ADD3: variants seen among roughly 807,000 people sequenced by gnomAD.
ADD3 encodes the protein adducin 3.
In ADD3, 25 loss-of-function variants were observed where a neutral mutation model predicts 80.2. That is an observed-to-expected ratio of 0.31 (90% confidence interval 0.23 to 0.44). The LOEUF (loss-of-function observed/expected upper bound fraction) is 0.44. Among genes scored for constraint, ADD3 ranks in the 20% least tolerant of loss-of-function variants. The pLI is 1.00. For missense variants in ADD3, 829 were observed against 847.5 expected, an observed-to-expected ratio of 0.98 and a Z score of 0.27; for synonymous variants, 284 against 289.6, an observed-to-expected ratio of 0.98 and a Z score of 0.20.
chr10:110,128,814 A>G (rs1473885142), intron 12 of ADD3, among the ~76,000 whole-genome samples: 1 of 152,124 alleles, frequency 6.6e-6, no homozygotes, highest in African/African-American at 2.4e-5. Flanking sequence ...AAGGGTATCA[A>G]TTTTAAATTT....
chr10:110,025,354 T>C (rs533526724), intron 1 of ADD3, among the ~76,000 whole-genome samples: 24 of 152,140 alleles, frequency 1.6e-4, no homozygotes, highest in Admixed American at 1.5e-3. Flanking sequence ...ATTTTTTTAA[T>C]TTTAGTTCGA....
chr10:110,044,481 A>T (rs1194662917), intron 1 of ADD3, among the ~76,000 whole-genome samples: 1 of 152,212 alleles, frequency 6.6e-6, no homozygotes, highest in East Asian at 1.9e-4. Flanking sequence ...ACAAAATCAG[A>T]CAAGCACTTC....
intron 1 of ADD3, among the ~76,000 whole-genome samples, chr10:110,028,309 C>CA (rs2133159934): frequency 6.6e-6 from 1 of 151,974 alleles, no homozygotes; most frequent in African/African-American, 2.4e-5. Flanking sequence ...CGTGGTGGCT[C>CA]ACGCCTGTAA....
At chr10:110,059,076 T>A (rs1487233189) in intron 1 of ADD3, among the ~76,000 whole-genome samples, 1 of 152,226 alleles carries the variant, frequency 6.6e-6, no homozygotes, top group Non-Finnish European at 1.5e-5. Context: ...AGGTGCCTTG[T>A]CTGTTAGCTG....
chr10:110,021,909 T>G (rs1853722058), intron 1 of ADD3, among the ~76,000 whole-genome samples: 1 of 152,162 alleles, frequency 6.6e-6, no homozygotes, highest in Admixed American at 6.5e-5. Context: ...GGAAAAAAAA[T>G]CTGTGCGTGC....
upstream of ADD3, among the ~76,000 whole-genome samples, chr10:110,003,978 T>C (rs1341251396): frequency 2.0e-5 from 3 of 152,226 alleles, no homozygotes; most frequent in Admixed American, 1.3e-4. Context: ...TATTCATTTT[T>C]TAAAGTATCC....
Position 110,117,346 on chromosome 10 carries a change from G to A in ADD3, c.491G>A (p.Arg164Lys), listed in dbSNP as rs540016358. 17 of 1,577,472 alleles carry A rather than the reference G, an allele frequency of 1.1e-5. No individual in the cohort carries two copies. The South Asian group carries it at 1.9e-4, about 18-fold the overall frequency. Residue 164 changes from arginine to lysine, a missense_variant, in exon 5 of 15, where the codon AGA (arginine) becomes AAA (lysine). Arg to Lys is a conservative substitution (Grantham distance 26). Coordinates refer to ENST00000356080, the MANE Select transcript of ADD3 (RefSeq NM_016824.5). Reference sequence around the variant, plus strand: ...CCCTGTTGTTTTTTTTTCCAGGTAAGAATAAGTAAGGAGCAAGACCACATT... The same window carrying A: ...CCCTGTTGTTTTTTTTTCCAGGTAAAAATAAGTAAGGAGCAAGACCACATT... ...AHLANTYISV[R>K]ISKEQDHIII...
At chr10:110,100,349 CA>C (rs750807063) in intron 1 of ADD3, among the ~76,000 whole-genome samples, 2,123 of 74,938 alleles carry the variant, frequency 0.028, 10 homozygotes, top group Admixed American at 0.049. Flanking sequence ...GACTCCATCT[CA>C]AAAAAAAAAA....
chr10:110,005,988 A>ATGC (rs200976177), upstream of ADD3: 3,231 of 249,476 alleles, frequency 0.013, 76 homozygotes, highest in African/African-American at 0.051. Flanking sequence ...GCTGCTGCTA[A>ATGC]TGCTGCTGCT....
At chr10:110,080,642 G>A (rs1175564391) in intron 1 of ADD3, among the ~76,000 whole-genome samples, 1 of 152,304 alleles carries the variant, frequency 6.6e-6, no homozygotes, top group East Asian at 1.9e-4. Flanking sequence ...GTGAAGTTAT[G>A]TTTGTTTTTA....
chr10:110,078,514 A>G (rs1329090376), intron 1 of ADD3, among the ~76,000 whole-genome samples: 8 of 152,206 alleles, frequency 5.3e-5, no homozygotes, highest in Non-Finnish European at 1.2e-4. Context: ...AACTAGCTAT[A>G]TAAATCATCT....
intron 1 of ADD3, among the ~76,000 whole-genome samples, chr10:110,011,319 T>G (rs1272776270): frequency 1.3e-5 from 2 of 152,254 alleles, no homozygotes; most frequent in Non-Finnish European, 2.9e-5. Context: ...GCTTATACTT[T>G]GTCATTCACA....
chr10:110,034,628 A>G (rs1855434856), intron 1 of ADD3, among the ~76,000 whole-genome samples: 1 of 152,158 alleles, frequency 6.6e-6, no homozygotes, highest in Admixed American at 6.5e-5. Context: ...CTCTCAACCT[A>G]GACAATCATA....
chr10:110,117,478 A>C, intron 5 of ADD3, 56 bp downstream of exon 5: 1 of 1,061,578 alleles, frequency 9.4e-7, no homozygotes. Context: ...CTTTTCTGAC[A>C]GTTCTTAGCT....
chr10:110,092,744 T>C (rs1415860235), intron 1 of ADD3, among the ~76,000 whole-genome samples: 1 of 152,136 alleles, frequency 6.6e-6, no homozygotes, highest in Non-Finnish European at 1.5e-5. Flanking sequence ...GGAAACATTA[T>C]GTTGTATACT....
chr10:109,997,620 G>C (rs1049483564), intron 1 of ADD3: 2 of 152,180 alleles, frequency 1.3e-5, no homozygotes, highest in Non-Finnish European at 2.9e-5. Context: ...TTCTTTCGCT[G>C]CTTTTCTCTC....
At chr10:110,090,664 A>G (rs1473056740) in intron 1 of ADD3, among the ~76,000 whole-genome samples, 1 of 152,196 alleles carries the variant, frequency 6.6e-6, no homozygotes, top group Non-Finnish European at 1.5e-5. Flanking sequence ...TTCATATTAT[A>G]TTTTTATTTG....
chr10:110,090,017 T>C (rs1396319180), intron 1 of ADD3, among the ~76,000 whole-genome samples: 1 of 152,056 alleles, frequency 6.6e-6, no homozygotes, highest in Non-Finnish European at 1.5e-5. Context: ...TCTCTTCCTC[T>C]CCCAACCCCC....
chr10:110,096,552 C>T (rs1391515417), intron 1 of ADD3, among the ~76,000 whole-genome samples: 1 of 152,098 alleles, frequency 6.6e-6, no homozygotes, highest in Non-Finnish European at 1.5e-5. Flanking sequence ...AGCACCTTAC[C>T]TGCTTTTACC....
Sources: allele counts gnomAD v4.1 joint callset (sites outside exome capture counted in the v4.1 genomes callset), GRCh38; gene constraint gnomAD v4.1.1; transcripts MANE v1.5; gene names NCBI Gene and HGNC (gene_info 2026-07-23, HGNC 2026-07-21).